APC: variants seen among roughly 807,000 people sequenced by gnomAD.
APC encodes APC regulator of Wnt signaling pathway, also known as adenomatous polyposis coli protein.
A neutral mutation model predicts 247.0 loss-of-function variants in APC; 72 were observed. The ratio of observed to expected loss-of-function variants is 0.29; its 90% confidence interval spans 0.24 to 0.35. The LOEUF is 0.35. Among genes scored for constraint, APC ranks in the 10% least tolerant of loss-of-function variants. APC has a pLI of 1.00. For missense variants in APC, 3,400 were observed against 3,360.7 expected, an observed-to-expected ratio of 1.01 and a Z score of -0.29; for synonymous variants, 1,254 against 1,162.5, an observed-to-expected ratio of 1.08 and a Z score of -1.60.
Position 112,845,839 on chromosome 5 carries a change from A to AT in APC, c.*1718dup, listed in dbSNP as rs1478381583. On this transcript the variant is annotated 3_prime_UTR_variant, in exon 16 of 16. Coordinates refer to ENST00000257430, the MANE Select transcript of APC (RefSeq NM_000038.6). ...ATATTTGTTGAATAAATGAAAATTT[A>AT]TTTTTAGTGATAAGATTCATACACT... 1 of 232,262 alleles carries AT rather than the reference A, an allele frequency of 4.3e-6. No individual in the cohort carries two copies. Among genetic ancestry groups the AT allele is most frequent in the Middle Eastern group, 1.3e-3 (1 of 778 alleles). 14.4% of individuals were successfully genotyped at this position (232,262 alleles called of 1,614,324 possible).
At chr5:112,827,061 T>A (rs1293031830) in intron 11 of APC, 47 bp from the exon 12 acceptor site, 1 of 1,606,534 alleles carries the variant, frequency 6.2e-7, no homozygotes. Flanking sequence ...TACCAGTTTG[T>A]TTTATTTTAG....
intron 7 of APC, among the ~76,000 whole-genome samples, chr5:112,793,807 C>T (rs918815558): frequency 6.6e-6 from 1 of 152,072 alleles, no homozygotes; most frequent in African/African-American, 2.4e-5. Flanking sequence ...CAGTATCTAA[C>T]ATCATGTATA....
chr5:112,833,180 ATTTTTTTTT>A (rs35482005), intron 14 of APC, among the ~76,000 whole-genome samples: 1 of 122,226 alleles, frequency 8.2e-6, no homozygotes, highest in African/African-American at 3.0e-5. Flanking sequence ...TGCCTGGCTA[ATTTTTTTTT>A]TTTTTTTTTT....
At chr5:112,835,333 G>A in intron 15 of APC, among the ~76,000 whole-genome samples, 168 bp downstream of exon 15, 1 of 152,138 alleles carries the variant, frequency 6.6e-6, no homozygotes, top group East Asian at 1.9e-4. Context: ...TGTACTTAAT[G>A]TAATAACAGT....
At chr5:112,739,582 G>A (rs1338684238) in intron 1 of APC, among the ~76,000 whole-genome samples, 1 of 152,130 alleles carries the variant, frequency 6.6e-6, no homozygotes, top group African/African-American at 2.4e-5. Context: ...TTAGGAGCCG[G>A]GCGTGGTGGC....
Position 112,841,721 on chromosome 5 carries a change from A to G in APC, c.6127A>G (p.Ile2043Val), listed in dbSNP as rs876660233. 7 of 1,613,700 alleles carry G rather than the reference A, an allele frequency of 4.3e-6. No individual in the cohort carries two copies. The highest frequency in any genetic ancestry group is 1.7e-5 in the Admixed American group (1 of 59,992). ...TGAAGATGACCTGTTGCAGGAATGTATAAGCTCCGCAATGCCAAAAAAGAA... is the reference window on the plus strand; with the variant it reads ...TGAAGATGACCTGTTGCAGGAATGTGTAAGCTCCGCAATGCCAAAAAAGAA... ...DSEDDLLQEC[I>V]SSAMPKKKKP... is the part of the protein sequence containing the mutation. The change falls in exon 16 of 16, where the codon ATA (isoleucine) becomes GTA (valine). Residue 2043 changes from isoleucine (I) to valine (V), a missense_variant. Physicochemically the swap from Ile to Val is conservative, Grantham distance 29 (BLOSUM62 3). This residue lies in a region of APC where 1,788 missense variants were observed against 1,649.5 expected (regional missense o/e 1.08). Coordinates refer to ENST00000257430, the MANE Select transcript of APC (RefSeq NM_000038.6). The surrounding 1 kb of genome is among the most constrained non-coding windows in gnomAD (Gnocchi z 4.6).
At chr5:112,801,179 T>G in intron 7 of APC, 100 bp from the exon 8 acceptor site, 1 of 793,748 alleles carries the variant, frequency 1.3e-6, no homozygotes. Context: ...TCTGTATAAT[T>G]GATGCATTCA....
chr5:112,747,866 C>T (rs1753863533), intron 1 of APC, among the ~76,000 whole-genome samples: 1 of 152,022 alleles, frequency 6.6e-6, no homozygotes, highest in Admixed American at 6.6e-5. Flanking sequence ...TTCTCAATGG[C>T]CTTTGAAATT....
chr5:112,800,248 TC>T (rs1279976419), intron 7 of APC, among the ~76,000 whole-genome samples: 1 of 152,234 alleles, frequency 6.6e-6, no homozygotes, highest in East Asian at 1.9e-4. Flanking sequence ...GGTCTTAGAT[TC>T]ATTTTGTCTC....
At chr5:112,821,141 T>A in intron 10 of APC, among the ~76,000 whole-genome samples, 1 of 151,588 alleles carries the variant, frequency 6.6e-6, no homozygotes, top group Non-Finnish European at 1.5e-5. Flanking sequence ...AGTGCTGGGA[T>A]TACTGGTGTG....
chr5:112,754,393 T>G (rs926030683), intron 1 of APC, among the ~76,000 whole-genome samples: 1 of 151,708 alleles, frequency 6.6e-6, no homozygotes, highest in Non-Finnish European at 1.5e-5. Context: ...AAGATTAGCC[T>G]TTTATCAAAT....
chr5:112,806,993 C>G (rs1038906023), intron 8 of APC, among the ~76,000 whole-genome samples: 1 of 152,002 alleles, frequency 6.6e-6, no homozygotes, highest in Non-Finnish European at 1.5e-5. Flanking sequence ...ATTAGCCAGG[C>G]ATGGTGGCGT....
rs112589169 is a variant in APC at position 112,833,393 on chromosome 5, G to T, written c.1744-1558G>T. On this transcript the variant is annotated intron_variant, in intron 14 of 15. Coordinates refer to ENST00000257430, the MANE Select transcript of APC (RefSeq NM_000038.6). ...AGACAGGGTTTCACCATGTTGATCA[G>T]GATGGTCTCGATCTCCTGACCTCGT... 4.9e-3 allele frequency among the ~76,000 whole-genome samples: 744 copies of T among 152,208 alleles called. 8 individuals carry two copies. Among genetic ancestry groups the T allele is most frequent in the African/African-American group, 0.017 (711 of 41,518 alleles).
intron 2 of APC, among the ~76,000 whole-genome samples, chr5:112,764,279 C>G (rs942020440): frequency 4.0e-5 from 6 of 150,756 alleles, no homozygotes; most frequent in African/African-American, 1.5e-4. Flanking sequence ...CTGATCACAG[C>G]TGTGCCTTAA....
chr5:112,716,545 A>AT (rs919310519), intron 1 of APC, among the ~76,000 whole-genome samples: 3 of 151,628 alleles, frequency 2.0e-5, no homozygotes, highest in East Asian at 1.9e-4. Context: ...AGGTCTCTGT[A>AT]TTTTTTTTAT....
At chr5:112,721,429 TAAAA>T (rs969615872) in intron 1 of APC, among the ~76,000 whole-genome samples, 9 of 152,050 alleles carry the variant, frequency 5.9e-5, no homozygotes, top group African/African-American at 1.9e-4. Context: ...AAAAATAAAA[TAAAA>T]AAATAAAGAC....
chr5:112,801,516 C>G (rs1460503060), intron 8 of APC, 133 bp downstream of exon 8: 1 of 637,708 alleles, frequency 1.6e-6, no homozygotes, highest in Non-Finnish European at 2.8e-6. Context: ...CAGAAGCATT[C>G]AGTACCAATG....
intron 1 of APC, among the ~76,000 whole-genome samples, chr5:112,743,796 A>G (rs1395316938): frequency 2.0e-5 from 3 of 152,216 alleles, no homozygotes; most frequent in African/African-American, 4.8e-5. Context: ...ACTCTAATCC[A>G]GTATGACCTC....
Position 112,842,091 on chromosome 5 carries a change from G to A in APC, c.6497G>A (p.Arg2166Gln), listed in dbSNP as rs752091655. Residue 2166 changes from arginine to glutamine, a missense_variant, in exon 16 of 16, where the codon CGA becomes CAA. Arg to Gln is a conservative substitution (Grantham distance 43). Coordinates refer to ENST00000257430, the MANE Select transcript of APC (RefSeq NM_000038.6). ...EKPFTSNKGP[R>Q]ILKPGEKSTL... ...CCCTTTACAAGTAATAAAGGCCCAC[G>A]AATTCTAAAACCAGGGGAGAAAAGT... 33 of 1,610,862 alleles carry A rather than the reference G, an allele frequency of 2.0e-5. No individual in the cohort carries two copies. The highest frequency in any genetic ancestry group is 2.1e-5 in the Non-Finnish European group (25 of 1,177,542).
Sources: allele counts gnomAD v4.1 joint callset (sites outside exome capture counted in the v4.1 genomes callset), GRCh38; gene constraint gnomAD v4.1.1; regional missense constraint gnomAD v4.1.1; non-coding constraint Gnocchi (gnomAD v3.1); transcripts MANE v1.5; gene names NCBI Gene and HGNC (gene_info 2026-07-23, HGNC 2026-07-21).